The following SPATA7 variants were observed in gnomAD, a reference collection of about 807,000 sequenced individuals.
SPATA7 encodes the protein spermatogenesis-associated protein 7.
Under a neutral mutation model 51.8 loss-of-function variants are expected in SPATA7, and 43 were observed. That is an observed-to-expected ratio of 0.83 (90% CI 0.65 to 1.07). The LOEUF (loss-of-function observed/expected upper bound fraction) is 1.07, where lower values mean the gene tolerates loss of function less well. Among genes scored for constraint, SPATA7 ranks in the 50% least tolerant of loss-of-function variants. The probability of loss-of-function intolerance (pLI) is 0.00; values close to 1 mark genes in which losing one functional copy is unlikely to be tolerated. For synonymous variants in SPATA7, 230 were observed against 252.8 expected, an observed-to-expected ratio of 0.91 and a Z score of 0.86; for missense variants, 683 against 701.3, an observed-to-expected ratio of 0.97 and a Z score of 0.30.
intron 4 of SPATA7, among the ~76,000 whole-genome samples, chr14:88,407,553 G>C (rs1224240157): frequency 2.0e-5 from 3 of 152,078 alleles, no homozygotes; most frequent in African/African-American, 4.8e-5. Flanking sequence ...CCCATTTTGT[G>C]GGTTGTTTGT....
intron 4 of SPATA7, among the ~76,000 whole-genome samples, chr14:88,409,977 T>C (rs1331019691): frequency 6.6e-6 from 1 of 152,228 alleles, no homozygotes; most frequent in Non-Finnish European, 1.5e-5. Context: ...ATTTCCGTTC[T>C]TTTGCAATTG....
intron 4 of SPATA7, chr14:88,466,744 T>TAAAC (rs952425401): frequency 7.7e-6 from 1 of 129,454 alleles, no homozygotes; most frequent in African/African-American, 2.9e-5. Context: ...GAGGGGGCAC[T>TAAAC]AAACAGCTAA....
At chr14:88,411,805 T>C (rs2076349012) in intron 4 of SPATA7, among the ~76,000 whole-genome samples, 1 of 152,196 alleles carries the variant, frequency 6.6e-6, no homozygotes, top group African/African-American at 2.4e-5. Flanking sequence ...TGGATAGTGC[T>C]GTGTTGGATA....
downstream of SPATA7, among the ~76,000 whole-genome samples, chr14:88,456,542 A>G (rs1411657248): frequency 6.6e-6 from 1 of 152,116 alleles, no homozygotes; most frequent in Admixed American, 6.5e-5. Flanking sequence ...GTGTCTGTTC[A>G]TATCCTTCGC....
chr14:88,419,242 G>A (rs2076569148), intron 5 of SPATA7, among the ~76,000 whole-genome samples: 1 of 152,086 alleles, frequency 6.6e-6, no homozygotes, highest in South Asian at 2.1e-4. Context: ...AGAGATATTA[G>A]AGATACAGAA....
At chr14:88,411,546 G>A (rs537223306) in intron 4 of SPATA7, among the ~76,000 whole-genome samples, 46 of 152,078 alleles carry the variant, frequency 3.0e-4, no homozygotes, top group African/African-American at 1.1e-3. Context: ...AAAGACCATG[G>A]GTAAAGCATA....
Position 88,461,294 on chromosome 14 carries a change from C to A in SPATA7, c.255-8553C>A, listed in dbSNP as rs181378589. Among the ~76,000 whole-genome samples, 165 of 152,314 alleles carry A rather than the reference C, an allele frequency of 1.1e-3. 2 individuals are homozygous for A. In the East Asian group the frequency reaches 0.023, roughly 22 times the overall value. ...TCTGCTGCCTTTTGTTCGGCTATGACCTGCCCCCAGAGGTGGAGTCTACAG... is the reference window on the plus strand; with the variant it reads ...TCTGCTGCCTTTTGTTCGGCTATGAACTGCCCCCAGAGGTGGAGTCTACAG... On this transcript the variant is annotated intron_variant, in intron 4 of 4. Coordinates refer to the SPATA7 transcript ENST00000556406.
At chr14:88,416,922 T>C in intron 5 of SPATA7, 78 bp downstream of exon 5, 2 of 1,356,168 alleles carry the variant, frequency 1.5e-6, no homozygotes, top group Admixed American at 4.0e-5. Context: ...CTTTGTTTAC[T>C]ATAGTTTAGG....
At chr14:88,396,086 AT>A in intron 3 of SPATA7, 69 bp from the exon 4 acceptor site, 1 of 1,266,238 alleles carries the variant, frequency 7.9e-7, no homozygotes, top group East Asian at 2.3e-5. Flanking sequence ...ACATTTTGTG[AT>A]TTCCACATTT....
intron 3 of SPATA7, among the ~76,000 whole-genome samples, chr14:88,445,420 G>A (rs975607954): frequency 1.5e-4 from 23 of 152,132 alleles, no homozygotes; most frequent in Non-Finnish European, 1.0e-4. Flanking sequence ...ATACAATCAT[G>A]TCATCTGCAA....
intron 4 of SPATA7, among the ~76,000 whole-genome samples, chr14:88,404,591 C>T (rs1566759133): frequency 6.6e-6 from 1 of 152,078 alleles, no homozygotes; most frequent in Admixed American, 6.5e-5. Context: ...GTGGCATGCA[C>T]CTGTAGTTCC....
intron 3 of SPATA7, among the ~76,000 whole-genome samples, chr14:88,452,078 G>C (rs933878957): frequency 6.6e-6 from 1 of 152,148 alleles, no homozygotes; most frequent in South Asian, 2.1e-4. Flanking sequence ...GGGACTCAAG[G>C]GCTGCTGTTC....
chr14:88,389,292 C>T (rs950827583), intron 1 of SPATA7, among the ~76,000 whole-genome samples: 5 of 151,698 alleles, frequency 3.3e-5, no homozygotes, highest in Admixed American at 6.6e-5. Context: ...TGCATTGCAG[C>T]CTCCTGGGCT....
chr14:88,386,617 A>T (rs1171402215), intron 1 of SPATA7, among the ~76,000 whole-genome samples: 2 of 152,138 alleles, frequency 1.3e-5, no homozygotes, highest in Non-Finnish European at 2.9e-5. Context: ...GGGTGGGGAA[A>T]TACAATCTTA....
chr14:88,456,410 G>C (rs964106794), downstream of SPATA7, among the ~76,000 whole-genome samples: 2 of 151,904 alleles, frequency 1.3e-5, no homozygotes, highest in African/African-American at 2.4e-5. Flanking sequence ...TTTAATGACT[G>C]CCATTCTAAC....
At chr14:88,400,008 A>G (rs770493000) in intron 4 of SPATA7, among the ~76,000 whole-genome samples, 51 of 152,236 alleles carry the variant, frequency 3.4e-4, no homozygotes, top group Non-Finnish European at 6.2e-4. Flanking sequence ...ACAGACCTTT[A>G]TACCCTATTG....
At chr14:88,470,159 T>A in exon 5 of SPATA7, 1 of 1,010,782 alleles carries the variant, frequency 9.9e-7, no homozygotes. Flanking sequence ...AAGTAAAAAG[T>A]AAAAAAGTAG....
At chr14:88,455,714 T>C (rs536232829), downstream of SPATA7, among the ~76,000 whole-genome samples, 3 of 152,308 alleles carry the variant, frequency 2.0e-5, no homozygotes, top group Admixed American at 2.0e-4. Flanking sequence ...TTGTGCTTCA[T>C]GAAAACTCCA....
rs527729469 is a variant in SPATA7, at chr14:88,414,198, A to G, written c.239-2513A>G. Among the ~76,000 whole-genome samples, 5 of 152,002 alleles carry G rather than the reference A, an allele frequency of 3.3e-5. No homozygotes were observed. The East Asian group carries it at 9.7e-4, about 29-fold the overall frequency. On this transcript the variant is annotated intron_variant, in intron 4 of 11. Transcript: ENST00000393545. ...GAATCTCTCTGGTCCAGGGCTTTTTATGGTTGGTAGGTTTTTTTTATTACT... is the reference window on the plus strand; with the variant it reads ...GAATCTCTCTGGTCCAGGGCTTTTTGTGGTTGGTAGGTTTTTTTTATTACT...
Sources: allele counts gnomAD v4.1 joint callset (sites outside exome capture counted in the v4.1 genomes callset), GRCh38; gene constraint gnomAD v4.1.1; transcripts MANE v1.5; gene names NCBI Gene and HGNC (gene_info 2026-07-23, HGNC 2026-07-21).